The following RMDN1 variants were observed in gnomAD, a reference collection of about 807,000 sequenced individuals.
RMDN1 encodes regulator of microtubule dynamics 1.
A neutral mutation model predicts 48.9 loss-of-function variants in RMDN1; 48 were observed. That is an observed-to-expected ratio of 0.98 (90% CI 0.78 to 1.25). The LOEUF is 1.25. RMDN1 is among the 50% of genes most tolerant of loss of function. The pLI, the probability that RMDN1 is intolerant of heterozygous loss-of-function variation, is 0.00. For synonymous variants in RMDN1, 148 were observed against 132.6 expected (o/e 1.12, Z -0.80); for missense variants, 418 against 373.4 (o/e 1.12, Z -0.98).
chr8:86,470,224 A>G, downstream of RMDN1: 4 of 1,289,280 alleles, frequency 3.1e-6, no homozygotes, highest in South Asian at 4.9e-5. Flanking sequence ...TTACTTTGAT[A>G]TACATGTACG....
At position 86,477,344 on chromosome 8, in the gene RMDN1, C is replaced by A; in HGVS notation, c.730-20G>T. 6.3e-7 allele frequency: 1 copy of A among 1,579,392 alleles called. No individual in the cohort carries two copies. On this transcript the variant is annotated intron_variant, in intron 7 of 9. Coordinates refer to ENST00000406452, the MANE Select transcript of RMDN1 (RefSeq NM_016033.3). ...TAAGGCCTGTCAAAAACACAAAGAG[C>A]CCAAACATAATAAAAAAGATTAAAG...
chr8:86,495,726 G>A (rs1429320291), intron 2 of RMDN1, among the ~76,000 whole-genome samples: 1 of 152,080 alleles, frequency 6.6e-6, no homozygotes, highest in Non-Finnish European at 1.5e-5. Context: ...CCCCACAGGT[G>A]CACACTCACT....
At chr8:86,490,747 T>A (rs2130925986) in intron 2 of RMDN1, among the ~76,000 whole-genome samples, 1 of 152,210 alleles carries the variant, frequency 6.6e-6, no homozygotes, top group East Asian at 1.9e-4. Flanking sequence ...TATGTATAAG[T>A]AAAAAAGTTA....
chr8:86,471,002 A>G (rs1812509697), downstream of RMDN1, among the ~76,000 whole-genome samples: 1 of 152,190 alleles, frequency 6.6e-6, no homozygotes, highest in African/African-American at 2.4e-5. Flanking sequence ...GCATACAACT[A>G]TACACACAAG....
At chr8:86,508,784 G>C, upstream of RMDN1, 2 of 1,194,250 alleles carry the variant, frequency 1.7e-6, no homozygotes, top group Non-Finnish European at 2.1e-6. Flanking sequence ...ATGGTTTCCG[G>C]TGCACGGGCT....
In RMDN1 at chr8:86,507,071, G is replaced by C; in HGVS notation, c.171C>G (p.Leu57=). The stretch of plus-strand genomic sequence containing the variant: ...CAAAACCCAAATACGACAAAGCTGA[G>C]AGTAAAAGGCCTCTTTTGAAAGTTC... ...NPGTFKRGLL[L]SALSYLGFET... is the part of the protein sequence containing the mutation. The change falls in exon 2 of 10, where the codon CTC becomes CTG. Residue 57 remains leucine, a synonymous_variant. Transcript: ENST00000406452. The C allele has an allele frequency of 6.2e-7, 1 of 1,613,002 alleles. No individual in the cohort carries two copies. The highest frequency in any genetic ancestry group is 8.5e-7 in the Non-Finnish European group (1 of 1,179,000).
Position 86,493,961 on chromosome 8 carries a change from C to T in RMDN1, c.248-5322G>A, listed in dbSNP as rs533132459. Reference sequence around the variant, plus strand: ...AAGCAGTTTGGATAAGGGATACCTACACTCTATGATCTCACTTATATGTGG... The same window carrying T: ...AAGCAGTTTGGATAAGGGATACCTATACTCTATGATCTCACTTATATGTGG... On this transcript the variant is annotated intron_variant, in intron 2 of 9. Transcript: ENST00000406452. Among the ~76,000 whole-genome samples the T allele has an allele frequency of 1.6e-3, 236 of 152,214 alleles. 2 individuals are homozygous for T. The highest frequency in any genetic ancestry group is 2.9e-3 in the Non-Finnish European group (195 of 68,008).
In RMDN1 at chr8:86,504,531, T is replaced by C. The variant is rs1050987990; in HGVS notation, c.247+2464A>G. Reference sequence around the variant, plus strand: ...CCATTGGTGCACGTGTGTTTAATACTATCTTCACTGTAGTTTCCCTATTTC... The same window carrying C: ...CCATTGGTGCACGTGTGTTTAATACCATCTTCACTGTAGTTTCCCTATTTC... On this transcript the variant is annotated intron_variant, in intron 2 of 9. Coordinates refer to ENST00000406452, the MANE Select transcript of RMDN1 (RefSeq NM_016033.3). 27 of 1,402,310 alleles carry C rather than the reference T, an allele frequency of 1.9e-5. 1 individual carries two copies. The Admixed American group carries it at 4.0e-4, about 21-fold the overall frequency. 86.9% of individuals were successfully genotyped at this position (1,402,310 alleles called of 1,614,324 possible). A position where few individuals can be genotyped will look rare whatever the true frequency, so the allele number is the denominator to read the frequency against.
intron 5 of RMDN1, among the ~76,000 whole-genome samples, chr8:86,483,616 A>G (rs1030980218): frequency 6.6e-6 from 1 of 152,228 alleles, no homozygotes; most frequent in Non-Finnish European, 1.5e-5. Flanking sequence ...ATATATTACT[A>G]TCCATACCTG....
intron 7 of RMDN1, chr8:86,477,575 A>G (rs569689089): frequency 5.6e-6 from 2 of 355,532 alleles, no homozygotes; most frequent in East Asian, 9.5e-5. Flanking sequence ...GTACCAAACT[A>G]ACATCATGTG....
intron 1 of RMDN1, among the ~76,000 whole-genome samples, chr8:86,513,778 C>A (rs1820170140): frequency 6.6e-6 from 1 of 151,974 alleles, no homozygotes; most frequent in Non-Finnish European, 1.5e-5. Flanking sequence ...TTAAGAATGC[C>A]CTAAATAAGC....
chr8:86,496,846 A>T (rs1283856840), intron 2 of RMDN1, among the ~76,000 whole-genome samples: 2 of 152,108 alleles, frequency 1.3e-5, no homozygotes, highest in Non-Finnish European at 2.9e-5. Context: ...CATTCTTCTC[A>T]CCTGAGCACG....
chr8:86,494,487 T>C (rs577734849), intron 2 of RMDN1, among the ~76,000 whole-genome samples: 1 of 151,142 alleles, frequency 6.6e-6, no homozygotes, highest in South Asian at 2.1e-4. Flanking sequence ...GTCCAGGAGG[T>C]CGAGGCTGCA....
rs867873356 is a variant in RMDN1 at position 86,486,609 on chromosome 8, C to T, written c.370G>A (p.Ala124Thr). The T allele has an allele frequency of 6.2e-7, 1 of 1,605,314 alleles. No individual in the cohort carries two copies. Among genetic ancestry groups the T allele is most frequent in the East Asian group, 2.2e-5 (1 of 44,808 alleles). ...CTAAGCTGAGCTACATCACGTGATG[C>T]CCGTGCCAAACGCCACAGTAACTCT... The part of the protein sequence containing the change: ...DAELLWRLAR[A>T]SRDVAQLSRT... The change falls in exon 4 of 10, where the codon GCA (alanine) becomes ACA (threonine). Residue 124 changes from alanine (A) to threonine (T), a missense_variant. Coordinates refer to ENST00000406452, the MANE Select transcript of RMDN1 (RefSeq NM_016033.3).
At chr8:86,513,308 G>A (rs1424362783), upstream of RMDN1, among the ~76,000 whole-genome samples, 3 of 152,200 alleles carry the variant, frequency 2.0e-5, no homozygotes, top group African/African-American at 7.2e-5. Context: ...CCGGGAGGCG[G>A]AGGTTGTGGT....
At chr8:86,469,640 G>T (rs548974717), downstream of RMDN1, among the ~76,000 whole-genome samples, 19 of 152,276 alleles carry the variant, frequency 1.2e-4, no homozygotes, top group African/African-American at 4.6e-4. Flanking sequence ...CTGAATGTTT[G>T]GTTGAACCTA....
At chr8:86,476,378 C>A (rs2130516176) in intron 8 of RMDN1, among the ~76,000 whole-genome samples, 1 of 152,224 alleles carries the variant, frequency 6.6e-6, no homozygotes, top group South Asian at 2.1e-4. Flanking sequence ...TAACTGTTAT[C>A]ATGAAATGAA....
At chr8:86,509,516 T>G (rs1200422528), upstream of RMDN1, among the ~76,000 whole-genome samples, 1 of 152,094 alleles carries the variant, frequency 6.6e-6, no homozygotes, top group African/African-American at 2.4e-5. Context: ...ACGAAAAATC[T>G]TATGGGTAAT....
At chr8:86,499,567 T>A (rs1586744262) in intron 2 of RMDN1, among the ~76,000 whole-genome samples, 1 of 152,200 alleles carries the variant, frequency 6.6e-6, no homozygotes, top group South Asian at 2.1e-4. Flanking sequence ...AAACATTCCA[T>A]GCTCATGGAC....
Sources: gnomAD v4.1 joint callset for allele counts (sites outside exome capture counted in the v4.1 genomes callset) on GRCh38, gnomAD v4.1.1 for gene constraint, MANE v1.5 for transcripts, NCBI Gene and HGNC (gene_info 2026-07-23, HGNC 2026-07-21) for gene names.